Variants in RNF44 observed in about 807,000 individuals in gnomAD.
RNF44 encodes the protein ring finger protein 44.
RNF44 carries 25 observed loss-of-function variants against 53.6 expected under a neutral mutation model. The ratio of observed to expected loss-of-function variants is 0.47; its 90% confidence interval spans 0.34 to 0.65. The LOEUF is 0.65. Among genes scored for constraint, RNF44 ranks in the 30% least tolerant of loss-of-function variants. The pLI is 0.01. For synonymous variants in RNF44, 282 were observed against 252.2 expected (o/e 1.12, Z -1.12); for missense variants, 581 against 595.5 (o/e 0.98, Z 0.25).
chr5:176,527,412 G>A lies in RNF44; in HGVS notation c.*1616C>T, dbSNP rs1283622532. The A allele has an allele frequency of 6.6e-6, 1 of 152,630 alleles. No individual in the cohort carries two copies. The highest frequency in any genetic ancestry group is 1.5e-5 in the Non-Finnish European group (1 of 68,040). 9.5% of individuals were successfully genotyped at this position (152,630 alleles called of 1,614,324 possible). A position where few individuals can be genotyped will look rare whatever the true frequency, so the allele number is the denominator to read the frequency against. On this transcript the variant is annotated 3_prime_UTR_variant, in exon 11 of 11. Coordinates refer to ENST00000274811, the MANE Select transcript of RNF44 (RefSeq NM_014901.5). ...TTTCCGCCTGCCCCAGGAACTGTAA[G>A]GGGTTTGAAAACGTTTTGTTGGGGT...
Position 176,528,814 on chromosome 5 carries a change from G to C in RNF44, c.*214C>G. ...CAGGCAGCTCCGTGGCGGGCGGGCA[G>C]GCAGGCAGACTAGGGAGGGAGTCTT... On this transcript the variant is annotated 3_prime_UTR_variant, in exon 11 of 11. Coordinates refer to ENST00000274811, the MANE Select transcript of RNF44 (RefSeq NM_014901.5). 1.7e-6 allele frequency: 1 copy of C among 593,604 alleles called. No homozygotes were observed. 36.8% of individuals were successfully genotyped at this position (593,604 alleles called of 1,614,324 possible).
rs189524333 is a variant in RNF44 at position 176,528,588 on chromosome 5, G to A, written c.*440C>T. On this transcript the variant is annotated 3_prime_UTR_variant, in exon 11 of 11. Coordinates refer to ENST00000274811, the MANE Select transcript of RNF44 (RefSeq NM_014901.5). ...ATGGCTCGTGACACCGTCTGTCTAC[G>A]CACCTGGCAGTGCCACCTGGGCAGA... The A allele has an allele frequency of 4.1e-3, 782 of 188,736 alleles. 6 individuals are homozygous for A. The highest frequency in any genetic ancestry group is 0.018 in the African/African-American group (747 of 42,442). The allele number at this position is 188,736 out of a possible 1,614,324, so 11.7% of individuals were successfully genotyped here.
At chr5:176,533,449 G>A (rs1455751845) in intron 1 of RNF44, among the ~76,000 whole-genome samples, 1 of 152,226 alleles carries the variant, frequency 6.6e-6, no homozygotes, top group Non-Finnish European at 1.5e-5. Flanking sequence ...CCACCGTAAA[G>A]TGTTAAAGCT....
At chr5:176,529,968 A>T (rs1756406037) in intron 7 of RNF44, 114 bp downstream of exon 7, 1 of 1,398,018 alleles carries the variant, frequency 7.2e-7, no homozygotes, top group African/African-American at 1.4e-5. Flanking sequence ...TAAGGGGGGA[A>T]CGCCAGGTGG....
chr5:176,539,806 G>C (rs1362844622), upstream of RNF44, among the ~76,000 whole-genome samples: 2 of 152,138 alleles, frequency 1.3e-5, no homozygotes, highest in Non-Finnish European at 2.9e-5. Flanking sequence ...ATGGAAGCCT[G>C]GTTTTGGGGC....
At chr5:176,529,875 G>A in intron 7 of RNF44, 57 bp from the exon 8 acceptor site, 2 of 1,478,872 alleles carry the variant, frequency 1.4e-6, no homozygotes, top group South Asian at 1.4e-5. Context: ...GGCACACAGA[G>A]CCGCTCTCCT....
At chr5:176,529,905 G>A in intron 7 of RNF44, 87 bp from the exon 8 acceptor site, 1 of 1,419,400 alleles carries the variant, frequency 7.0e-7, no homozygotes, top group East Asian at 2.4e-5. Flanking sequence ...CTTGCAAACA[G>A]AGCCCAGAAC....
In RNF44 at chr5:176,531,833, A is replaced by G. The variant is rs1581102836; in HGVS notation, c.297+171T>C. ...CCGTGGGAATCTAGCTCTGCTAGTC[A>G]CCCAGTGTGGCCCTTTCCCCGGGCC... On this transcript the variant is annotated intron_variant, in intron 3 of 10. Coordinates refer to ENST00000274811, the MANE Select transcript of RNF44 (RefSeq NM_014901.5). The surrounding 1 kb of genome is among the most constrained non-coding windows in gnomAD (Gnocchi z 4.2). 1.2e-6 allele frequency: 1 copy of G among 858,112 alleles called. No individual in the cohort carries two copies. Among genetic ancestry groups the G allele is most frequent in the Admixed American group, 3.0e-5 (1 of 33,460 alleles). 53.2% of individuals were successfully genotyped at this position (858,112 alleles called of 1,614,324 possible). A position where few individuals can be genotyped will look rare whatever the true frequency, so the allele number is the denominator to read the frequency against.
chr5:176,531,954 C>T lies in RNF44; in HGVS notation c.297+50G>A, dbSNP rs2113131127. 1 of 1,540,078 alleles carries T rather than the reference C, an allele frequency of 6.5e-7. No homozygotes were observed. On this transcript the variant is annotated intron_variant, in intron 3 of 10. Coordinates refer to ENST00000274811, the MANE Select transcript of RNF44 (RefSeq NM_014901.5). The surrounding 1 kb of genome is among the most constrained non-coding windows in gnomAD (Gnocchi z 4.2). The stretch of plus-strand genomic sequence containing the variant: ...AATCTAGGCCTTGCTGCCTCTGCCT[C>T]TCAGACTGGCTCACAGGGCCAGGGG...
Position 176,530,621 on chromosome 5 carries a change from C to A in RNF44, c.762G>T (p.Leu254=). ...GCTCCTGGTGCAGCGGATCGTGGGG[C>A]AGGTAGTGCAGGGGCACCGACGGGG... ...ALSPSVPLHY[L]PHDPLHQELS... is the part of the protein sequence containing the mutation. The change falls in exon 6 of 11, where the codon CTG becomes CTT. Residue 254 remains leucine (L), a synonymous_variant. Coordinates refer to ENST00000274811, the MANE Select transcript of RNF44 (RefSeq NM_014901.5). 1 of 1,501,466 alleles carries A rather than the reference C, an allele frequency of 6.7e-7. No homozygotes were observed. The highest frequency in any genetic ancestry group is 1.3e-5 in the South Asian group (1 of 78,488). The allele number at this position is 1,501,466 out of a possible 1,614,324, so 93.0% of individuals were successfully genotyped here. A position where few individuals can be genotyped will look rare whatever the true frequency, so the allele number is the denominator to read the frequency against.
chr5:176,529,842 C>G (rs773000184), intron 7 of RNF44, 24 bp from the exon 8 acceptor site: 3 of 1,568,878 alleles, frequency 1.9e-6, no homozygotes, highest in Non-Finnish European at 1.7e-6. Context: ...AGTGTGGGGG[C>G]CCAGGGTCAA....
intron 1 of RNF44, among the ~76,000 whole-genome samples, chr5:176,534,534 G>C (rs1326115301): frequency 2.0e-5 from 3 of 152,224 alleles, no homozygotes; most frequent in South Asian, 4.1e-4. Context: ...TGAAACAGCA[G>C]ATGCCTGGCC....
intron 1 of RNF44, 100 bp from the exon 2 acceptor site, chr5:176,532,616 A>G (rs949335722): frequency 5.9e-5 from 62 of 1,042,750 alleles, no homozygotes; most frequent in Non-Finnish European, 7.5e-5. Context: ...GGTGGTGGAC[A>G]CCTGTAATCC....
Position 176,531,534 on chromosome 5 carries a change from C to T in RNF44, c.394G>A (p.Ala132Thr), listed in dbSNP as rs772533562. The change falls in exon 4 of 11, where the codon GCC becomes ACC. Residue 132 changes from alanine (A) to threonine (T), a missense_variant. Around this residue, in one of 3 missense-constraint regions of RNF44, gnomAD observed 387 missense variants for 366.0 expected, o/e 1.06. Coordinates refer to ENST00000274811, the MANE Select transcript of RNF44 (RefSeq NM_014901.5). The surrounding 1 kb of genome is among the most constrained non-coding windows in gnomAD (Gnocchi z 4.2). ...ACGGAGCATGCTGGGAGCTGCTGGG[C>T]ACTGCAGCCAGGGATGTGCTGGCCT... ...PTGQHIPGCSAQQLPACSVMF... is the reference protein window; with the variant it reads ...PTGQHIPGCSTQQLPACSVMF... 61 of 1,610,446 alleles carry T rather than the reference C, an allele frequency of 3.8e-5. No homozygotes were observed. Among genetic ancestry groups the T allele is most frequent in the Non-Finnish European group, 5.1e-5 (60 of 1,178,652 alleles).
chr5:176,529,260 A>G (rs1271448217), intron 10 of RNF44, 28 bp downstream of exon 10: 4 of 1,591,824 alleles, frequency 2.5e-6, no homozygotes, highest in Non-Finnish European at 3.4e-6. Flanking sequence ...CATGAGGAAT[A>G]CCCAGGAGCA....
rs767355953 is a variant in RNF44 at position 176,530,863 on chromosome 5, G to C, written c.624C>G (p.Thr208=). 1 of 1,368,306 alleles carries C rather than the reference G, an allele frequency of 7.3e-7. No homozygotes were observed. Among genetic ancestry groups the C allele is most frequent in the Admixed American group, 3.8e-5 (1 of 26,538 alleles). 84.8% of individuals were successfully genotyped at this position (1,368,306 alleles called of 1,614,324 possible). A position where few individuals can be genotyped will look rare whatever the true frequency, so the allele number is the denominator to read the frequency against. ...GCCGACTCACCATCCGAGGGTGCTG[G>C]GTCTGCAGAGACACAAACTGCCCCA... ...APLGQFVSLQ[T]QHPRMPLQRL... is the part of the protein sequence containing the mutation. Residue 208 remains threonine (T), a synonymous_variant, in exon 5 of 11, where the codon ACC becomes ACG. Coordinates refer to ENST00000274811, the MANE Select transcript of RNF44 (RefSeq NM_014901.5).
intron 2 of RNF44, 28 bp from the exon 3 acceptor site, chr5:176,532,221 G>A: frequency 6.7e-7 from 1 of 1,491,100 alleles, no homozygotes; most frequent in Non-Finnish European, 8.9e-7. Context: ...GGCCCCGATA[G>A]GACTGAGGGG....
rs1756613177 is a variant in RNF44 at position 176,531,044 on chromosome 5, G to A, written c.466-23C>T. ...AAGCTGCCAAGAGAGGGGGCAGGGGGCTGAGAACGTTCTCCTGGGCTCTGG... is the reference window on the plus strand; with the variant it reads ...AAGCTGCCAAGAGAGGGGGCAGGGGACTGAGAACGTTCTCCTGGGCTCTGG... On this transcript the variant is annotated intron_variant, in intron 4 of 10. Coordinates refer to ENST00000274811, the MANE Select transcript of RNF44 (RefSeq NM_014901.5). This position sits in a 1 kb window ranked among gnomAD's most constrained non-coding sequence, Gnocchi z 4.2. 2 of 1,433,752 alleles carry A rather than the reference G, an allele frequency of 1.4e-6. No individual in the cohort carries two copies. Among genetic ancestry groups the A allele is most frequent in the East Asian group, 2.6e-5 (1 of 38,202 alleles). 88.8% of individuals were successfully genotyped at this position (1,433,752 alleles called of 1,614,324 possible). A position where few individuals can be genotyped will look rare whatever the true frequency, so the allele number is the denominator to read the frequency against.
chr5:176,537,750 CG>C (rs1343105822), upstream of RNF44: 1 of 152,262 alleles, frequency 6.6e-6, no homozygotes, highest in East Asian at 1.9e-4. Flanking sequence ...GTCCCCTCCT[CG>C]GGGACAGGGT....
Sources: allele counts gnomAD v4.1 joint callset (sites outside exome capture counted in the v4.1 genomes callset), GRCh38; gene constraint gnomAD v4.1.1; regional missense constraint gnomAD v4.1.1; non-coding constraint Gnocchi (gnomAD v3.1); transcripts MANE v1.5; gene names NCBI Gene and HGNC (gene_info 2026-07-23, HGNC 2026-07-21).